The following NDUFAF6 variants were observed in gnomAD, a reference collection of about 807,000 sequenced individuals.
The protein encoded by NDUFAF6 is NADH:ubiquinone oxidoreductase complex assembly factor 6, also known as NADH dehydrogenase (ubiquinone) complex I, assembly factor 6.
NDUFAF6 carries 45 observed loss-of-function variants against 40.8 expected under a neutral mutation model. The ratio of observed to expected loss-of-function variants is 1.10; its 90% CI spans 0.87 to 1.42. The LOEUF is 1.42. Ranked by LOEUF, NDUFAF6 falls within the 40% of genes most tolerant of loss-of-function variation. The probability of loss-of-function intolerance (pLI) is 0.00; values close to 1 mark genes in which losing one functional copy is unlikely to be tolerated. For missense variants in NDUFAF6, 435 were observed against 418.5 expected (o/e 1.04, Z -0.34); for synonymous variants, 185 against 155.9 (o/e 1.19, Z -1.39).
chr8:94,962,556 G>C (rs909914837), intron 1 of NDUFAF6, among the ~76,000 whole-genome samples: 2 of 151,688 alleles, frequency 1.3e-5, no homozygotes, highest in Non-Finnish European at 2.9e-5. Context: ...ACCTCCCAAA[G>C]TGCTGGGATT....
chr8:94,952,632 C>T (rs1032781585), intron 2 of NDUFAF6, among the ~76,000 whole-genome samples: 1 of 152,232 alleles, frequency 6.6e-6, no homozygotes, highest in Non-Finnish European at 1.5e-5. Context: ...GTGATTTCTG[C>T]TTTCTGAAAT....
chr8:95,099,876 C>G (rs1809596224), upstream of NDUFAF6, among the ~76,000 whole-genome samples: 1 of 152,210 alleles, frequency 6.6e-6, no homozygotes, highest in African/African-American at 2.4e-5. Flanking sequence ...CTGCAAGTGC[C>G]TATAAAATAA....
intron 2 of NDUFAF6, among the ~76,000 whole-genome samples, chr8:95,082,149 A>G (rs996433249): frequency 5.3e-5 from 8 of 151,920 alleles, no homozygotes; most frequent in African/African-American, 1.9e-4. Flanking sequence ...GAAATAACTG[A>G]AGTAAGAGGA....
intron 2 of NDUFAF6, among the ~76,000 whole-genome samples, chr8:95,010,531 A>G (rs1463182963): frequency 1.3e-5 from 2 of 152,236 alleles, no homozygotes; most frequent in Non-Finnish European, 2.9e-5. Flanking sequence ...AGCAATATTT[A>G]TAGGGTTTCC....
intron 2 of NDUFAF6, among the ~76,000 whole-genome samples, chr8:95,005,054 G>A (rs1826900584): frequency 6.6e-6 from 1 of 152,116 alleles, no homozygotes; most frequent in African/African-American, 2.4e-5. Flanking sequence ...GAAATAGCAG[G>A]ATTTTTAGGG....
At chr8:94,919,596 G>A (rs915864229) in intron 1 of NDUFAF6, among the ~76,000 whole-genome samples, 1 of 152,044 alleles carries the variant, frequency 6.6e-6, no homozygotes, top group Non-Finnish European at 1.5e-5. Flanking sequence ...ACTTGTTTTG[G>A]CTACTGTTGT....
chr8:95,064,426 A>C (rs1188629562), intron 9 of NDUFAF6, among the ~76,000 whole-genome samples: 1 of 152,210 alleles, frequency 6.6e-6, no homozygotes, highest in African/African-American at 2.4e-5. Flanking sequence ...CCATGTGTTC[A>C]TTGCAAAAAT....
intron 9 of NDUFAF6, chr8:95,068,090 G>A (rs1259987361): frequency 6.6e-6 from 1 of 151,764 alleles, no homozygotes; most frequent in East Asian, 1.9e-4. Flanking sequence ...CTTTTGTTGG[G>A]GATTTTTTAT....
intron 1 of NDUFAF6, among the ~76,000 whole-genome samples, chr8:94,977,434 G>T (rs1456916980): frequency 6.7e-6 from 1 of 150,178 alleles, no homozygotes; most frequent in Non-Finnish European, 1.5e-5. Context: ...GAGGTGGGAG[G>T]ATCACTTGAG....
chr8:95,102,355 G>T (rs1809677058), intron 2 of NDUFAF6, among the ~76,000 whole-genome samples: 1 of 152,174 alleles, frequency 6.6e-6, no homozygotes. Context: ...TGGCTAGTAA[G>T]AAATAAAGAG....
intron 5 of NDUFAF6, among the ~76,000 whole-genome samples, chr8:95,115,967 GTC>G (rs1810124242): frequency 6.6e-6 from 1 of 152,044 alleles, no homozygotes; most frequent in East Asian, 1.9e-4. Context: ...GTGAAAACCC[GTC>G]TCTACCAAAA....
chr8:95,057,867 C>A lies in NDUFAF6; in HGVS notation c.932C>A (p.Pro311Gln), dbSNP rs1430891827. Residue 311 changes from proline (P) to glutamine (Q), a missense_variant, in exon 9 of 9, where the codon CCA becomes CAA. Pro to Gln is a moderately conservative substitution (Grantham distance 76). Transcript: ENST00000396124. Reference protein sequence around the residue: ...IQRVDFDIFHPSLQQKNTLLP... With the variant: ...IQRVDFDIFHQSLQQKNTLLP... ...CGAGTGGATTTTGATATATTCCACC[C>A]ATCTTTACAGCAGAAGAATACATTA... The A allele has an allele frequency of 6.8e-6, 11 of 1,606,904 alleles. No homozygotes were observed. The highest frequency in any genetic ancestry group is 9.4e-6 in the Non-Finnish European group (11 of 1,174,038).
intron 1 of NDUFAF6, among the ~76,000 whole-genome samples, chr8:94,959,944 C>T (rs1823428697): frequency 6.6e-6 from 1 of 152,190 alleles, no homozygotes; most frequent in East Asian, 1.9e-4. Flanking sequence ...GTCCCCAGCA[C>T]CAAGGATCAC....
At chr8:94,999,124 CT>C (rs757137462) in intron 2 of NDUFAF6, among the ~76,000 whole-genome samples, 2,940 of 139,350 alleles carry the variant, frequency 0.021, 60 homozygotes, top group African/African-American at 0.067. Flanking sequence ...TTCCATTCTA[CT>C]TTTTTTTTTT....
intron 1 of NDUFAF6, chr8:94,930,423 A>G: frequency 6.2e-7 from 1 of 1,602,932 alleles, no homozygotes. Flanking sequence ...ACATATACAC[A>G]CATCCATACA....
At chr8:94,968,104 C>T (rs1824166412) in intron 1 of NDUFAF6, among the ~76,000 whole-genome samples, 1 of 152,154 alleles carries the variant, frequency 6.6e-6, no homozygotes, top group African/African-American at 2.4e-5. Context: ...GACATCTCTA[C>T]TGGGCTGGGA....
chr8:94,979,565 T>A (rs1825243061), intron 1 of NDUFAF6, among the ~76,000 whole-genome samples: 1 of 152,236 alleles, frequency 6.6e-6, no homozygotes, highest in Non-Finnish European at 1.5e-5. Flanking sequence ...TCTGGGGATT[T>A]TACTTTTTAA....
chr8:95,005,148 G>C (rs1826905822), intron 2 of NDUFAF6, among the ~76,000 whole-genome samples: 1 of 151,996 alleles, frequency 6.6e-6, no homozygotes, highest in Non-Finnish European at 1.5e-5. Context: ...TTTCCTTCTT[G>C]GTAAAATGGG....
intron 2 of NDUFAF6, among the ~76,000 whole-genome samples, chr8:95,014,007 C>T (rs1051540029): frequency 6.6e-5 from 10 of 152,180 alleles, no homozygotes; most frequent in African/African-American, 2.2e-4. Flanking sequence ...TTCTATGAGC[C>T]AAGGAACACT....
Sources: gnomAD v4.1 joint callset for allele counts (sites outside exome capture counted in the v4.1 genomes callset) on GRCh38, gnomAD v4.1.1 for gene constraint, MANE v1.5 for transcripts, NCBI Gene and HGNC (gene_info 2026-07-23, HGNC 2026-07-21) for gene names.